Variants in BICD1 observed in about 807,000 individuals in gnomAD.
BICD1 encodes BICD cargo adaptor 1, also known as protein bicaudal D homolog 1.
A neutral mutation model predicts 92.5 loss-of-function variants in BICD1; 35 were observed. The ratio of observed to expected loss-of-function variants is 0.38; its 90% CI spans 0.29 to 0.50. The LOEUF is 0.50. BICD1 is among the 20% of genes least tolerant of loss of function. BICD1 has a pLI of 0.93. For synonymous variants in BICD1, 429 were observed against 465.1 expected, an observed-to-expected ratio of 0.92 and a Z score of 1.00; for missense variants, 950 against 1,189.8, an observed-to-expected ratio of 0.80 and a Z score of 2.97.
At chr12:32,120,231 C>G (rs1331310436) in intron 1 of BICD1, among the ~76,000 whole-genome samples, 1 of 151,852 alleles carries the variant, frequency 6.6e-6, no homozygotes, top group African/African-American at 2.4e-5. Context: ...TATAGTTGTT[C>G]TTTTGGTTGT....
chr12:32,190,710 G>T (rs1213110812), intron 1 of BICD1, among the ~76,000 whole-genome samples: 1 of 152,154 alleles, frequency 6.6e-6, no homozygotes, highest in Non-Finnish European at 1.5e-5. Flanking sequence ...AATCAATGAG[G>T]AAACAGTGGC....
intron 8 of BICD1, among the ~76,000 whole-genome samples, chr12:32,356,500 A>G (rs1001713111): frequency 6.6e-6 from 1 of 152,044 alleles, no homozygotes; most frequent in African/African-American, 2.4e-5. Flanking sequence ...AAAGTTTTAA[A>G]AAATTAGCTG....
chr12:32,251,535 C>A (rs1017297450), intron 2 of BICD1, among the ~76,000 whole-genome samples: 1 of 152,100 alleles, frequency 6.6e-6, no homozygotes, highest in African/African-American at 2.4e-5. Context: ...ACTATTAACA[C>A]TCATATATTG....
chr12:32,335,289 T>C (rs1312477837), intron 6 of BICD1, among the ~76,000 whole-genome samples: 5 of 152,080 alleles, frequency 3.3e-5, no homozygotes, highest in Non-Finnish European at 7.4e-5. Context: ...TAGCTGGGAA[T>C]ACAGGCACCT....
At chr12:32,317,415 G>A (rs1948533793) in intron 4 of BICD1, among the ~76,000 whole-genome samples, 2 of 152,142 alleles carry the variant, frequency 1.3e-5, no homozygotes. Context: ...GGTGTGAGAT[G>A]GTATCTCATT....
intron 1 of BICD1, among the ~76,000 whole-genome samples, chr12:32,215,332 G>A (rs1400334124): frequency 6.6e-6 from 1 of 152,106 alleles, no homozygotes; most frequent in Non-Finnish European, 1.5e-5. Context: ...TACCCCGTAA[G>A]TGACCAGTTT....
intron 8 of BICD1, among the ~76,000 whole-genome samples, chr12:32,360,309 A>G (rs1224313605): frequency 1.3e-5 from 2 of 152,216 alleles, no homozygotes; most frequent in Admixed American, 1.3e-4. Context: ...AAGATAGAGG[A>G]AGAGGTGCCT....
chr12:32,351,487 CAAAAAAAAAA>C (rs35002678), intron 8 of BICD1, among the ~76,000 whole-genome samples: 40 of 57,218 alleles, frequency 7.0e-4, no homozygotes, highest in African/African-American at 3.0e-3. Context: ...GACTCTGTCT[CAAAAAAAAAA>C]AAAAAAAAAA....
intron 1 of BICD1, among the ~76,000 whole-genome samples, chr12:32,129,369 A>C (rs1040974054): frequency 1.3e-5 from 2 of 151,296 alleles, no homozygotes; most frequent in African/African-American, 4.8e-5. Flanking sequence ...ACTAAAAATA[A>C]AAAAAATTAG....
chr12:32,295,956 A>G (rs948256413), intron 3 of BICD1, among the ~76,000 whole-genome samples: 1 of 151,784 alleles, frequency 6.6e-6, no homozygotes, highest in African/African-American at 2.4e-5. Context: ...TCTGGCCAAA[A>G]TTTGATTTCT....
At chr12:32,217,339 A>G (rs974182659) in intron 2 of BICD1, among the ~76,000 whole-genome samples, 1 of 152,224 alleles carries the variant, frequency 6.6e-6, no homozygotes, top group Non-Finnish European at 1.5e-5. Flanking sequence ...TAGGATGAAA[A>G]TATTCTTCAA....
At chr12:32,117,733 C>CACACACAT (rs1941977702) in intron 1 of BICD1, among the ~76,000 whole-genome samples, 1 of 127,558 alleles carries the variant, frequency 7.8e-6, no homozygotes, top group African/African-American at 2.8e-5. Context: ...CACACACACA[C>CACACACAT]ACATATATAT....
chr12:32,345,428 C>A (rs1467605863), intron 8 of BICD1, among the ~76,000 whole-genome samples: 1 of 152,076 alleles, frequency 6.6e-6, no homozygotes, highest in African/African-American at 2.4e-5. Context: ...TGGTAGATTT[C>A]TGCCACAACT....
chr12:32,311,677 G>A (rs1265126685), intron 4 of BICD1, among the ~76,000 whole-genome samples: 1 of 152,178 alleles, frequency 6.6e-6, no homozygotes, highest in African/African-American at 2.4e-5. Context: ...GGATTGTGGA[G>A]ACCAAGTTTT....
intron 2 of BICD1, among the ~76,000 whole-genome samples, chr12:32,247,189 A>G (rs1463637398): frequency 6.7e-6 from 1 of 150,310 alleles, no homozygotes; most frequent in East Asian, 2.0e-4. Context: ...TCATGGTAAC[A>G]GACTCGCTCT....
At chr12:32,306,789 C>T (rs546883775) in intron 4 of BICD1, among the ~76,000 whole-genome samples, 1 of 151,622 alleles carries the variant, frequency 6.6e-6, no homozygotes, top group African/African-American at 2.4e-5. Flanking sequence ...CTGAAGCGGG[C>T]GGATCACCTG....
intron 1 of BICD1, among the ~76,000 whole-genome samples, chr12:32,116,508 C>CTATATATATATA (rs772917101): frequency 5.3e-4 from 50 of 94,210 alleles, no homozygotes; most frequent in East Asian, 2.0e-3. Flanking sequence ...CTCTCTCTCT[C>CTATATATATATA]TCTATATATA....
At chr12:32,160,584 A>C (rs1319818389) in intron 1 of BICD1, among the ~76,000 whole-genome samples, 1 of 152,200 alleles carries the variant, frequency 6.6e-6, no homozygotes, top group Admixed American at 6.5e-5. Context: ...AATAAGAGCT[A>C]ACTGATTCAA....
At chr12:32,295,187 G>C (rs1236028068) in intron 3 of BICD1, among the ~76,000 whole-genome samples, 6 of 151,700 alleles carry the variant, frequency 4.0e-5, no homozygotes, top group African/African-American at 1.5e-4. Flanking sequence ...TTGCTGTAAT[G>C]GGGGTTTGAT....
Sources: allele counts gnomAD v4.1 joint callset (sites outside exome capture counted in the v4.1 genomes callset), GRCh38; gene constraint gnomAD v4.1.1; transcripts MANE v1.5; gene names NCBI Gene and HGNC (gene_info 2026-07-23, HGNC 2026-07-21).